The following CCSER1 variants were observed in gnomAD, a reference collection of about 807,000 sequenced individuals.
CCSER1 encodes the protein serine-rich coiled-coil domain-containing protein 1.
Under a neutral mutation model 82.0 loss-of-function variants are expected in CCSER1, and 41 were observed. That is an observed-to-expected ratio of 0.50 (90% CI 0.39 to 0.65). CCSER1 has a LOEUF of 0.65. Ranked by LOEUF, CCSER1 falls within the 30% of genes least tolerant of loss-of-function variation. The pLI, the probability that CCSER1 is intolerant of heterozygous loss-of-function variation, is 0.00. For missense variants in CCSER1, 1,119 were observed against 1,064.2 expected (o/e 1.05, Z -0.72); for synonymous variants, 414 against 383.9 (o/e 1.08, Z -0.92).
chr4:90,895,023 T>C (rs1425904409), intron 8 of CCSER1, among the ~76,000 whole-genome samples: 1 of 152,004 alleles, frequency 6.6e-6, no homozygotes, highest in African/African-American at 2.4e-5. Flanking sequence ...TAATGTATAC[T>C]TTGTCCCTAG....
At chr4:91,135,919 A>G (rs964118225) in intron 10 of CCSER1, among the ~76,000 whole-genome samples, 1 of 152,182 alleles carries the variant, frequency 6.6e-6, no homozygotes, top group Non-Finnish European at 1.5e-5. Context: ...AACCTGAATC[A>G]TATATGCAAA....
At chr4:91,488,028 ATATTT>A (rs1454997353) in intron 10 of CCSER1, among the ~76,000 whole-genome samples, 3 of 152,122 alleles carry the variant, frequency 2.0e-5, no homozygotes, top group Admixed American at 2.0e-4. Flanking sequence ...GATTTAAGAA[ATATTT>A]TATAGAAAGC....
intron 9 of CCSER1, among the ~76,000 whole-genome samples, chr4:91,004,678 A>G (rs1738346856): frequency 6.6e-6 from 1 of 152,220 alleles, no homozygotes; most frequent in Non-Finnish European, 1.5e-5. Flanking sequence ...TCTTAATGAA[A>G]AAATTTTGAT....
At chr4:90,165,779 A>G (rs1290334880) in intron 1 of CCSER1, among the ~76,000 whole-genome samples, 3 of 151,992 alleles carry the variant, frequency 2.0e-5, no homozygotes, top group Non-Finnish European at 2.9e-5. Flanking sequence ...CATGGTGAGA[A>G]TTGATGGGGT....
intron 9 of CCSER1, among the ~76,000 whole-genome samples, chr4:91,071,691 C>CTT (rs1337406871): frequency 6.6e-6 from 1 of 152,000 alleles, no homozygotes; most frequent in Non-Finnish European, 1.5e-5. Flanking sequence ...TGAAACGTAG[C>CTT]TTACTAGATA....
chr4:90,807,534 G>A (rs1412932132), intron 7 of CCSER1, among the ~76,000 whole-genome samples: 2 of 152,144 alleles, frequency 1.3e-5, no homozygotes, highest in Middle Eastern at 3.4e-3. Flanking sequence ...TAGGAAGTTT[G>A]AGGCCAGCAT....
chr4:91,050,908 T>C (rs1263468337), intron 9 of CCSER1, among the ~76,000 whole-genome samples: 4 of 152,230 alleles, frequency 2.6e-5, no homozygotes, highest in African/African-American at 9.6e-5. Flanking sequence ...GAATACCCTC[T>C]GTATTATTCT....
intron 3 of CCSER1, among the ~76,000 whole-genome samples, chr4:90,373,554 T>G (rs532121337): frequency 6.6e-6 from 1 of 152,226 alleles, no homozygotes; most frequent in Non-Finnish European, 1.5e-5. Flanking sequence ...CACTCCATTA[T>G]TTTTCATTTT....
At chr4:90,331,659 A>T (rs897618379) in intron 3 of CCSER1, among the ~76,000 whole-genome samples, 1 of 152,170 alleles carries the variant, frequency 6.6e-6, no homozygotes, top group Non-Finnish European at 1.5e-5. Flanking sequence ...CCCACAACCA[A>T]ATCTGAAAAT....
intron 3 of CCSER1, among the ~76,000 whole-genome samples, chr4:90,351,213 A>G (rs1340807279): frequency 2.0e-5 from 3 of 152,220 alleles, no homozygotes; most frequent in Non-Finnish European, 2.9e-5. Context: ...TTAAAAAGCA[A>G]TAAATCCAAA....
intron 5 of CCSER1, among the ~76,000 whole-genome samples, chr4:90,469,125 G>A (rs1170724773): frequency 5.9e-5 from 9 of 152,064 alleles, no homozygotes; most frequent in East Asian, 1.9e-4. Flanking sequence ...GCTGACCACC[G>A]TAGGAGTAAG....
At chr4:91,236,930 G>A (rs1281416912) in intron 10 of CCSER1, among the ~76,000 whole-genome samples, 1 of 152,134 alleles carries the variant, frequency 6.6e-6, no homozygotes, top group Non-Finnish European at 1.5e-5. Flanking sequence ...TCACTGACAT[G>A]AGCAAGACCA....
chr4:90,389,422 A>G (rs1262536840), intron 3 of CCSER1, among the ~76,000 whole-genome samples: 2 of 152,240 alleles, frequency 1.3e-5, no homozygotes, highest in Non-Finnish European at 2.9e-5. Flanking sequence ...TTTCATCAAA[A>G]TAACCAACAT....
intron 10 of CCSER1, among the ~76,000 whole-genome samples, chr4:91,182,917 C>G (rs555489049): frequency 6.6e-6 from 1 of 152,330 alleles, no homozygotes; most frequent in Non-Finnish European, 1.5e-5. Context: ...TTGGGCATCC[C>G]TGTATAATAG....
At chr4:90,182,426 C>T (rs1044540658) in intron 1 of CCSER1, among the ~76,000 whole-genome samples, 1 of 152,024 alleles carries the variant, frequency 6.6e-6, no homozygotes, top group African/African-American at 2.4e-5. Context: ...GCAGTAGGAC[C>T]AGTCTTTGTG....
At chr4:91,105,433 C>T (rs1473321321) in intron 10 of CCSER1, among the ~76,000 whole-genome samples, 1 of 151,618 alleles carries the variant, frequency 6.6e-6, no homozygotes, top group East Asian at 1.9e-4. Context: ...AGGCCAGGCA[C>T]AGTGGCTCAT....
chr4:90,825,002 A>G (rs1363064248), intron 8 of CCSER1, among the ~76,000 whole-genome samples: 1 of 152,270 alleles, frequency 6.6e-6, no homozygotes, highest in South Asian at 2.1e-4. Flanking sequence ...TATGATACAT[A>G]ATGGGGACTG....
intron 5 of CCSER1, among the ~76,000 whole-genome samples, chr4:90,573,909 A>G (rs894473245): frequency 7.9e-5 from 12 of 152,008 alleles, no homozygotes; most frequent in Non-Finnish European, 1.6e-4. Context: ...TTGTTTCCCA[A>G]ATTTCTTAGA....
At chr4:91,166,770 G>T (rs185621860) in intron 10 of CCSER1, among the ~76,000 whole-genome samples, 1,730 of 150,516 alleles carry the variant, frequency 0.011, 18 homozygotes, top group Middle Eastern at 0.017. Context: ...AGAGAACTTT[G>T]AAAGATTTAC....
Sources: gnomAD v4.1 joint callset for allele counts (sites outside exome capture counted in the v4.1 genomes callset) on GRCh38, gnomAD v4.1.1 for gene constraint, MANE v1.5 for transcripts, NCBI Gene and HGNC (gene_info 2026-07-23, HGNC 2026-07-21) for gene names.